Variants in UBE2E2 observed in about 807,000 individuals in gnomAD.
UBE2E2 encodes the protein ubiquitin-conjugating enzyme E2 E2.
A neutral mutation model predicts 24.7 loss-of-function variants in UBE2E2; 6 were observed. That is an observed-to-expected ratio of 0.24 (90% CI 0.13 to 0.48). The LOEUF (loss-of-function observed/expected upper bound fraction) is 0.48, where lower values mean the gene tolerates loss of function less well. Ranked by LOEUF, UBE2E2 falls within the 20% of genes least tolerant of loss-of-function variation. The pLI is 0.99. For missense variants in UBE2E2, 169 were observed against 245.0 expected (o/e 0.69, Z 2.07); for synonymous variants, 104 against 83.6 (o/e 1.24, Z -1.33).
At chr3:23,514,363 G>A (rs1356660174) in intron 4 of UBE2E2, among the ~76,000 whole-genome samples, 2 of 152,206 alleles carry the variant, frequency 1.3e-5, no homozygotes, top group African/African-American at 4.8e-5. Flanking sequence ...TATGATTGAT[G>A]AAGCAAATGA....
intron 3 of UBE2E2, among the ~76,000 whole-genome samples, chr3:23,301,268 C>T (rs7614926): frequency 0.33 from 50,805 of 152,034 alleles, 8,707 homozygotes; most frequent in South Asian, 0.38. Flanking sequence ...TTGTCTGAAG[C>T]CTTCTTCTCT....
intron 5 of UBE2E2, among the ~76,000 whole-genome samples, chr3:23,539,647 T>C (rs1052941337): frequency 2.6e-5 from 4 of 152,216 alleles, no homozygotes; most frequent in African/African-American, 9.6e-5. Flanking sequence ...AGTAGGAAGG[T>C]AAATCCCTTA....
chr3:23,355,597 T>G (rs966284986), intron 3 of UBE2E2, among the ~76,000 whole-genome samples: 1 of 152,198 alleles, frequency 6.6e-6, no homozygotes, highest in Non-Finnish European at 1.5e-5. Flanking sequence ...AGAAACAAGT[T>G]TAGAAAATAC....
At chr3:23,224,614 T>C (rs1158710349) in intron 3 of UBE2E2, among the ~76,000 whole-genome samples, 1 of 152,108 alleles carries the variant, frequency 6.6e-6, no homozygotes, top group Non-Finnish European at 1.5e-5. Flanking sequence ...TGATTTGACT[T>C]TTTCCTTTAC....
chr3:23,366,769 T>C (rs1234757901), intron 3 of UBE2E2, among the ~76,000 whole-genome samples: 1 of 151,456 alleles, frequency 6.6e-6, no homozygotes, highest in Non-Finnish European at 1.5e-5. Context: ...ACCTAAAAGT[T>C]AAAAAAAAGA....
chr3:23,205,285 T>A (rs1696116548), intron 1 of UBE2E2, among the ~76,000 whole-genome samples: 1 of 152,232 alleles, frequency 6.6e-6, no homozygotes, highest in Admixed American at 6.5e-5. Flanking sequence ...CCCTGGGATT[T>A]AAGTTTATCT....
chr3:23,509,252 T>A (rs1327813614), intron 4 of UBE2E2, among the ~76,000 whole-genome samples: 1 of 152,198 alleles, frequency 6.6e-6, no homozygotes, highest in South Asian at 2.1e-4. Context: ...TTTCCTAACC[T>A]TACAGGAAAG....
At position 23,303,375 on chromosome 3, in the gene UBE2E2, G is replaced by A. The variant is rs190637120; in HGVS notation, c.227+86063G>A. On this transcript the variant is annotated intron_variant, in intron 3 of 5. Coordinates refer to ENST00000396703, the MANE Select transcript of UBE2E2 (RefSeq NM_152653.4). ...ATCCGGAAACCACTCCCCTCAACCC[G>A]GGTGTGTGGAAAAATTGTCTTCCCC... 4.6e-5 allele frequency among the ~76,000 whole-genome samples: 7 copies of A among 152,196 alleles called. No individual in the cohort carries two copies. In the East Asian group the frequency reaches 7.7e-4, roughly 17 times the overall value.
chr3:23,562,464 G>C lies in UBE2E2; in HGVS notation c.509-27270G>C, dbSNP rs55894729. On this transcript the variant is annotated intron_variant, in intron 5 of 5. Coordinates refer to ENST00000396703, the MANE Select transcript of UBE2E2 (RefSeq NM_152653.4). ...AGCTTTTTGATGTGCTGCTGGATTC[G>C]GTTTGCCAGTATTTTATTGAGGATT... is the stretch of plus-strand genomic sequence containing the variant. 2.3e-3 allele frequency among the ~76,000 whole-genome samples: 346 copies of C among 151,990 alleles called. 3 individuals are homozygous for C. Among genetic ancestry groups the C allele is most frequent in the African/African-American group, 8.0e-3 (330 of 41,434 alleles).
chr3:23,585,779 A>G (rs1696611806), intron 5 of UBE2E2, among the ~76,000 whole-genome samples: 2 of 152,174 alleles, frequency 1.3e-5, no homozygotes, highest in African/African-American at 2.4e-5. Flanking sequence ...TAGAAACCCA[A>G]AATGATGGGA....
intron 3 of UBE2E2, among the ~76,000 whole-genome samples, chr3:23,464,080 G>A (rs937870498): frequency 2.0e-5 from 3 of 152,000 alleles, no homozygotes; most frequent in Non-Finnish European, 2.9e-5. Context: ...GAAAATCAAC[G>A]ACTTTGACAG....
intron 3 of UBE2E2, among the ~76,000 whole-genome samples, chr3:23,396,874 G>A (rs754083777): frequency 9.9e-5 from 15 of 152,120 alleles, no homozygotes; most frequent in African/African-American, 1.9e-4. Flanking sequence ...ATGCAGGACA[G>A]GGGGGATGTG....
intron 3 of UBE2E2, among the ~76,000 whole-genome samples, chr3:23,331,868 G>C (rs1194461222): frequency 1.3e-5 from 2 of 152,118 alleles, no homozygotes; most frequent in Non-Finnish European, 2.9e-5. Flanking sequence ...AGGAACATTT[G>C]GTCATTTGTG....
intron 3 of UBE2E2, among the ~76,000 whole-genome samples, chr3:23,375,830 A>C (rs1226598636): frequency 6.6e-6 from 1 of 152,162 alleles, no homozygotes; most frequent in Non-Finnish European, 1.5e-5. Context: ...CTCTTGTTGC[A>C]GTTATTACAC....
Position 23,504,911 on chromosome 3 carries a change from TC to T in UBE2E2, c.360+5172del, listed in dbSNP as rs1350877145. Among the ~76,000 whole-genome samples, 3 of 132,122 alleles carry T rather than the reference TC, an allele frequency of 2.3e-5. No individual in the cohort carries two copies. The East Asian group carries it at 6.9e-4, about 30-fold the overall frequency. 86.7% of individuals were successfully genotyped at this position (132,122 alleles called of 152,430 possible). On this transcript the variant is annotated intron_variant, in intron 4 of 5. Coordinates refer to ENST00000396703, the MANE Select transcript of UBE2E2 (RefSeq NM_152653.4). ...TAATGTTTCTGTTTCAGACATTCTT[TC>T]TTTTTTTTTTTTTTGAGACAGGGTC...
At chr3:23,211,515 C>T (rs1696324188) in intron 2 of UBE2E2, among the ~76,000 whole-genome samples, 1 of 151,528 alleles carries the variant, frequency 6.6e-6, no homozygotes. Flanking sequence ...CTCAGCCTCC[C>T]AAGTAGCTGG....
At chr3:23,574,419 G>A (rs756260653) in intron 5 of UBE2E2, among the ~76,000 whole-genome samples, 7 of 152,218 alleles carry the variant, frequency 4.6e-5, no homozygotes, top group South Asian at 4.1e-4. Context: ...TGCTTGAGGG[G>A]ATGAATACTC....
intron 3 of UBE2E2, among the ~76,000 whole-genome samples, chr3:23,222,183 T>G (rs1003130327): frequency 6.6e-6 from 1 of 152,184 alleles, no homozygotes; most frequent in African/African-American, 2.4e-5. Flanking sequence ...GATTTCATTC[T>G]TTTTTATGGT....
At chr3:23,441,824 T>A (rs1034306862) in intron 3 of UBE2E2, among the ~76,000 whole-genome samples, 4 of 152,198 alleles carry the variant, frequency 2.6e-5, no homozygotes, top group African/African-American at 4.8e-5. Flanking sequence ...TCATTTTTTT[T>A]AATTACCAAA....
Sources: allele counts gnomAD v4.1 joint callset (sites outside exome capture counted in the v4.1 genomes callset), GRCh38; gene constraint gnomAD v4.1.1; transcripts MANE v1.5; gene names NCBI Gene and HGNC (gene_info 2026-07-23, HGNC 2026-07-21).